The following WDR35 variants were observed in gnomAD, a reference collection of about 807,000 sequenced individuals.
WDR35 encodes the protein WD repeat-containing protein 35.
WDR35 carries 118 observed loss-of-function variants against 158.3 expected under a neutral mutation model. The ratio of observed to expected loss-of-function variants is 0.75; its 90% CI spans 0.64 to 0.87. WDR35 has a LOEUF of 0.87. WDR35 is among the 40% of genes least tolerant of loss of function. WDR35 has a pLI of 0.00. For missense variants in WDR35, 1,263 were observed against 1,405.8 expected, an observed-to-expected ratio of 0.90 and a Z score of 1.62; for synonymous variants, 448 against 476.1, an observed-to-expected ratio of 0.94 and a Z score of 0.77.
chr2:19,921,090 C>A (rs1670151708), intron 25 of WDR35, among the ~76,000 whole-genome samples: 1 of 152,144 alleles, frequency 6.6e-6, no homozygotes, highest in Non-Finnish European at 1.5e-5. Flanking sequence ...AGGACACAAA[C>A]AAATGCAAAA....
chr2:19,946,085 A>G (rs1671043048), intron 15 of WDR35, 89 bp from the exon 16 acceptor site: 1 of 1,362,204 alleles, frequency 7.3e-7, no homozygotes, highest in South Asian at 1.3e-5. Flanking sequence ...ATTCTTCTTC[A>G]AAATCAGATT....
chr2:19,989,919 T>A (rs1672697650), intron 1 of WDR35, 73 bp downstream of exon 1: 1 of 1,600,458 alleles, frequency 6.2e-7, no homozygotes, highest in Non-Finnish European at 8.5e-7. Flanking sequence ...GCCTGGCTTC[T>A]CGGGAAGGCA....
chr2:19,923,368 C>T (rs769590314), intron 25 of WDR35, among the ~76,000 whole-genome samples: 1 of 152,098 alleles, frequency 6.6e-6, no homozygotes, highest in Non-Finnish European at 1.5e-5. Context: ...AAGCAATCCC[C>T]GTAGTGAGTA....
intron 14 of WDR35, 142 bp from the exon 15 acceptor site, chr2:19,946,712 T>C: frequency 1.3e-6 from 1 of 745,100 alleles, no homozygotes; most frequent in South Asian, 1.5e-5. Context: ...ATGAATCATG[T>C]CCTTAAGTAC....
intron 4 of WDR35, among the ~76,000 whole-genome samples, chr2:19,979,733 A>G (rs1002382566): frequency 6.6e-6 from 1 of 151,286 alleles, no homozygotes; most frequent in Non-Finnish European, 1.5e-5. Context: ...AAACAGACAA[A>G]GTTTACTCCA....
chr2:19,981,464 C>T (rs780877134), intron 3 of WDR35, among the ~76,000 whole-genome samples: 2 of 152,068 alleles, frequency 1.3e-5, no homozygotes, highest in Non-Finnish European at 2.9e-5. Context: ...CTTCTCATTC[C>T]AAGATCCAAT....
Position 19,938,135 on chromosome 2 carries a change from AC to A in WDR35, c.2063+129del. On this transcript the variant is annotated intron_variant, in intron 18 of 26. Coordinates refer to ENST00000281405, the MANE Select transcript of WDR35 (RefSeq NM_020779.4). ...GACTTCCAAATCTAAATGAATTTCT[AC>A]ATCTTAAAAAGAAGAGCAAGAATGG... 4 of 1,444,844 alleles carry A rather than the reference AC, an allele frequency of 2.8e-6. No homozygotes were observed. The South Asian group carries it at 4.9e-5, about 18-fold the overall frequency. The allele number at this position is 1,444,844 out of a possible 1,614,324, so 89.5% of individuals were successfully genotyped here. A position where few individuals can be genotyped will look rare whatever the true frequency, so the allele number is the denominator to read the frequency against.
intron 10 of WDR35, among the ~76,000 whole-genome samples, chr2:19,964,051 A>T (rs1450856242): frequency 6.6e-6 from 1 of 152,104 alleles, no homozygotes; most frequent in Non-Finnish European, 1.5e-5. Flanking sequence ...ACTTACAGCT[A>T]TGGAATTCTA....
At position 19,948,202 on chromosome 2, in the gene WDR35, T is replaced by C. The variant is rs1671118014; in HGVS notation, c.1486A>G (p.Ile496Val). The change falls in exon 14 of 27, where the codon ATT (isoleucine) becomes GTT (valine). Residue 496 changes from isoleucine to valine, a missense_variant. By Grantham distance (29) the Ile-to-Val change is conservative (BLOSUM62 3). Transcript: ENST00000281405. ...TTATCTGATGCAGTTATGGCACAAA[T>C]TGGATCCCTTGTGCCCTAAAATAAA... Reference protein sequence around the residue: ...SKTIQGTRDPICAITASDKIL... With the variant: ...SKTIQGTRDPVCAITASDKIL... The C allele has an allele frequency of 1.2e-6, 2 of 1,610,454 alleles. No homozygotes were observed. The highest frequency in any genetic ancestry group is 2.2e-5 in the East Asian group (1 of 44,790).
intron 2 of WDR35, among the ~76,000 whole-genome samples, chr2:19,983,507 G>T (rs943324314): frequency 6.6e-6 from 1 of 152,166 alleles, no homozygotes; most frequent in Non-Finnish European, 1.5e-5. Flanking sequence ...ATATTAAAAT[G>T]TCATCTCAAT....
In WDR35 at chr2:19,973,573, G is replaced by A. The variant is rs758121308; in HGVS notation, c.872C>T (p.Pro291Leu). The A allele has an allele frequency of 1.7e-5, 27 of 1,614,112 alleles. No individual in the cohort carries two copies. The highest frequency in any genetic ancestry group is 6.7e-5 in the African/African-American group (5 of 75,024). Residue 291 changes from proline to leucine, a missense_variant, in exon 8 of 27, where the codon CCG becomes CTG. By Grantham distance (98) the Pro-to-Leu change is moderately conservative. Transcript: ENST00000281405. The stretch of plus-strand genomic sequence containing the variant: ...TTTGAATGCATTTACCTCACCAAAC[G>A]GAGTGTAAAACTGCACAATGTTCAC... ...KDVNIVQFYTPFGEHLGTLKV... is the reference protein window; with the variant it reads ...KDVNIVQFYTLFGEHLGTLKV...
chr2:19,912,830 G>A lies in WDR35; in HGVS notation c.*728C>T, dbSNP rs1466069153. The A allele has an allele frequency of 6.6e-6, 1 of 152,178 alleles. No individual in the cohort carries two copies. The highest frequency in any genetic ancestry group is 1.5e-5 in the Non-Finnish European group (1 of 68,024). 9.4% of individuals were successfully genotyped at this position (152,178 alleles called of 1,614,324 possible). ...ATAAACGGTCCAACTTAGTGACAAT[G>A]TTTCAACAGAAGCTATAACTACAAA... is the stretch of plus-strand genomic sequence containing the variant. On this transcript the variant is annotated 3_prime_UTR_variant, in exon 27 of 27. Coordinates refer to ENST00000281405, the MANE Select transcript of WDR35 (RefSeq NM_020779.4).
intron 11 of WDR35, among the ~76,000 whole-genome samples, chr2:19,955,777 G>A (rs1671408491): frequency 6.6e-6 from 1 of 152,184 alleles, no homozygotes; most frequent in Non-Finnish European, 1.5e-5. Context: ...ATTTGAGGCA[G>A]CAAGAGACTT....
intron 2 of WDR35, 59 bp from the exon 3 acceptor site, chr2:19,982,593 T>G: frequency 6.5e-7 from 1 of 1,527,110 alleles, no homozygotes; most frequent in South Asian, 1.2e-5. Flanking sequence ...TATTATAAGA[T>G]TTTGACTCTT....
rs1434677904 is a variant in WDR35 at position 19,911,610 on chromosome 2, G to C, written c.*1948C>G. 6.6e-6 allele frequency: 1 copy of C among 152,198 alleles called. No homozygotes were observed. Among genetic ancestry groups the C allele is most frequent in the African/African-American group, 2.4e-5 (1 of 41,438 alleles). 9.4% of individuals were successfully genotyped at this position (152,198 alleles called of 1,614,324 possible). On this transcript the variant is annotated 3_prime_UTR_variant, in exon 27 of 27. Coordinates refer to ENST00000281405, the MANE Select transcript of WDR35 (RefSeq NM_020779.4). ...ACAAATGAGAAAGCTGGAATTCATT[G>C]TGTTACATTTAGGTAAGTAAGTTAG...
intron 10 of WDR35, 25 bp downstream of exon 10, chr2:19,966,699 T>C (rs139630883): frequency 6.2e-7 from 1 of 1,612,302 alleles, no homozygotes; most frequent in African/African-American, 1.3e-5. Context: ...CCCAGCTATG[T>C]CTTAAGATAT....
intron 8 of WDR35, among the ~76,000 whole-genome samples, chr2:19,970,437 A>G (rs189811490): frequency 1.3e-5 from 2 of 151,966 alleles, no homozygotes; most frequent in Admixed American, 6.6e-5. Context: ...TCCTAACTTT[A>G]TATCTTACTT....
In WDR35 at chr2:19,913,694, A is replaced by C; in HGVS notation, c.3377T>G (p.Leu1126Arg). 6.2e-7 allele frequency: 1 copy of C among 1,614,136 alleles called. No individual in the cohort carries two copies. ...GCTTCCTGTGGCAACGCATGTTGGC[A>C]GTTTCCCTTCTCCACTGTAAAACGG... Reference protein sequence around the residue: ...DSLMEGGEGKLPTCVATGSPI... With the variant: ...DSLMEGGEGKRPTCVATGSPI... Residue 1126 changes from leucine to arginine, a missense_variant, in exon 27 of 27, where the codon CTG becomes CGG. Physicochemically the swap from Leu to Arg is moderately radical, Grantham distance 102. Transcript: ENST00000281405.
rs1572365598 is a variant in WDR35 at position 19,978,891 on chromosome 2, A to G, written c.308-12T>C. On this transcript the variant is annotated splice_polypyrimidine_tract_variant and intron_variant, in intron 4 of 26. Transcript: ENST00000281405. ...CTCAATCCAAGAGCCTGTTTTCACA[A>G]ATTTAAAAAATTACAAGTCAAAACT... is the stretch of plus-strand genomic sequence containing the variant. 6.2e-7 allele frequency: 1 copy of G among 1,613,244 alleles called. No homozygotes were observed.
Sources: gnomAD v4.1 joint callset for allele counts (sites outside exome capture counted in the v4.1 genomes callset) on GRCh38, gnomAD v4.1.1 for gene constraint, MANE v1.5 for transcripts, NCBI Gene and HGNC (gene_info 2026-07-23, HGNC 2026-07-21) for gene names.